The following CDH18 variants were observed in gnomAD, a reference collection of about 807,000 sequenced individuals.
CDH18 encodes cadherin-18.
CDH18 carries 31 observed loss-of-function variants against 67.9 expected under a neutral mutation model. The observed-to-expected ratio is 0.46, with a 90% CI of 0.34 to 0.62. CDH18 has a LOEUF of 0.62. Among genes scored for constraint, CDH18 ranks in the 20% least tolerant of loss-of-function variants. The pLI is 0.01. For synonymous variants in CDH18, 362 were observed against 347.2 expected (o/e 1.04, Z -0.48); for missense variants, 890 against 975.5 (o/e 0.91, Z 1.17).
intron 2 of CDH18, among the ~76,000 whole-genome samples, chr5:20,148,212 C>G (rs1194110839): frequency 6.6e-6 from 1 of 151,902 alleles, no homozygotes; most frequent in Non-Finnish European, 1.5e-5. Flanking sequence ...CTGCCTCAGC[C>G]TCCCGAGTAG....
Position 19,571,720 on chromosome 5 carries a change from T to C in CDH18, c.1112A>G (p.Lys371Arg). The change falls in exon 8 of 13, where the codon AAG becomes AGG. Residue 371 changes from lysine (K) to arginine (R), a missense_variant. Lys to Arg is a conservative substitution (Grantham distance 26). Coordinates refer to ENST00000382275, the MANE Select transcript of CDH18 (RefSeq NM_004934.5). Reference protein sequence around the residue: ...LGPFKDATMLKIIVGDVDEPP... With the variant: ...LGPFKDATMLRIIVGDVDEPP... ...TTCATCTACATCCCCAACAATGATC[T>C]TCAGCATAGTAGCATCTTTAAAAGG... The C allele has an allele frequency of 1.2e-6, 2 of 1,613,986 alleles. No individual in the cohort carries two copies. Among genetic ancestry groups the C allele is most frequent in the Non-Finnish European group, 1.7e-6 (2 of 1,179,930 alleles).
chr5:20,213,504 C>T (rs1299245300), intron 2 of CDH18, among the ~76,000 whole-genome samples: 1 of 152,074 alleles, frequency 6.6e-6, no homozygotes, highest in Non-Finnish European at 1.5e-5. Flanking sequence ...GTGAATCCAT[C>T]TGGTTCTGGG....
At chr5:19,529,489 A>C (rs2126967071) in intron 9 of CDH18, among the ~76,000 whole-genome samples, 1 of 152,202 alleles carries the variant, frequency 6.6e-6, no homozygotes, top group African/African-American at 2.4e-5. Context: ...AGTAAATAGT[A>C]AAAGAAATAA....
intron 1 of CDH18, among the ~76,000 whole-genome samples, chr5:20,397,553 A>G (rs774561246): frequency 6.6e-6 from 1 of 152,192 alleles, no homozygotes; most frequent in Non-Finnish European, 1.5e-5. Context: ...GAGAGTTTAA[A>G]TGAAGCAACT....
At chr5:19,884,776 A>C (rs1019464382) in intron 2 of CDH18, among the ~76,000 whole-genome samples, 40 of 152,124 alleles carry the variant, frequency 2.6e-4, no homozygotes, top group African/African-American at 8.4e-4. Flanking sequence ...TTATTTCTAG[A>C]AGCTTAAGTA....
chr5:20,433,257 A>ATGTGTG (rs552698994), intron 1 of CDH18, among the ~76,000 whole-genome samples: 1 of 150,834 alleles, frequency 6.6e-6, no homozygotes, highest in Admixed American at 6.7e-5. Flanking sequence ...CACATAATAT[A>ATGTGTG]TGTGTGTGTG....
intron 2 of CDH18, among the ~76,000 whole-genome samples, chr5:19,881,217 T>A (rs1412138013): frequency 6.6e-6 from 1 of 152,186 alleles, no homozygotes; most frequent in African/African-American, 2.4e-5. Context: ...GTCCTTTCAA[T>A]GCCTTGTTTT....
At chr5:20,343,255 G>T (rs1287840747) in intron 1 of CDH18, among the ~76,000 whole-genome samples, 1 of 152,158 alleles carries the variant, frequency 6.6e-6, no homozygotes, top group African/African-American at 2.4e-5. Context: ...GTTCCTAGAA[G>T]TAAAACTGAT....
chr5:20,014,767 G>T (rs922940921), intron 2 of CDH18, among the ~76,000 whole-genome samples: 1 of 152,110 alleles, frequency 6.6e-6, no homozygotes, highest in Non-Finnish European at 1.5e-5. Flanking sequence ...GCGCCATTCA[G>T]AAACAGCTCC....
chr5:19,559,933 A>T (rs1057119075), intron 8 of CDH18, among the ~76,000 whole-genome samples: 19 of 151,684 alleles, frequency 1.3e-4, no homozygotes, highest in Non-Finnish European at 2.4e-4. Context: ...AACAAAAAAA[A>T]AACTCAGGAA....
chr5:19,722,860 G>T (rs528824039), intron 4 of CDH18, among the ~76,000 whole-genome samples: 1 of 152,166 alleles, frequency 6.6e-6, no homozygotes, highest in South Asian at 2.1e-4. Context: ...GAATATGGAA[G>T]CACTGACAAT....
At chr5:19,943,085 T>C (rs1398739954) in intron 2 of CDH18, among the ~76,000 whole-genome samples, 1 of 152,110 alleles carries the variant, frequency 6.6e-6, no homozygotes, top group African/African-American at 2.4e-5. Flanking sequence ...GTGATCATAA[T>C]ATAATAATTC....
chr5:19,741,263 A>ACG (rs1769143459), intron 4 of CDH18, among the ~76,000 whole-genome samples: 1 of 124,632 alleles, frequency 8.0e-6, no homozygotes. Flanking sequence ...ATATGTATAC[A>ACG]TATATACATA....
At chr5:19,665,933 T>A (rs1232462729) in intron 5 of CDH18, among the ~76,000 whole-genome samples, 1 of 152,076 alleles carries the variant, frequency 6.6e-6, no homozygotes, top group East Asian at 1.9e-4. Flanking sequence ...TTTTTCATTG[T>A]ATTGCTATGC....
chr5:19,474,923 A>G (rs539354712), intron 12 of CDH18, among the ~76,000 whole-genome samples: 10 of 152,194 alleles, frequency 6.6e-5, no homozygotes, highest in Admixed American at 3.3e-4. Context: ...CTGTTACTAA[A>G]TAGAAATAGT....
intron 2 of CDH18, among the ~76,000 whole-genome samples, chr5:20,178,509 A>T (rs1229595145): frequency 4.0e-5 from 6 of 151,424 alleles, no homozygotes; most frequent in Non-Finnish European, 8.8e-5. Flanking sequence ...TAAGAAAAAA[A>T]AAAACATGAA....
At chr5:20,425,452 AC>A (rs1409526767) in intron 1 of CDH18, among the ~76,000 whole-genome samples, 1 of 151,116 alleles carries the variant, frequency 6.6e-6, no homozygotes, top group Non-Finnish European at 1.5e-5. Flanking sequence ...AATGTATACT[AC>A]AGGTGTTAAC....
chr5:20,521,983 C>G (rs2457041), intron 1 of CDH18, among the ~76,000 whole-genome samples: 60,538 of 151,962 alleles, frequency 0.4, 13,491 homozygotes, highest in East Asian at 0.56. Context: ...AATATGTAAT[C>G]GTGTTGTGAG....
chr5:20,265,581 A>C (rs2126646184), intron 1 of CDH18, among the ~76,000 whole-genome samples: 1 of 152,230 alleles, frequency 6.6e-6, no homozygotes, highest in East Asian at 1.9e-4. Flanking sequence ...AGGAGTATCA[A>C]AATAAAAAAA....
Sources: allele counts gnomAD v4.1 joint callset (sites outside exome capture counted in the v4.1 genomes callset), GRCh38; gene constraint gnomAD v4.1.1; transcripts MANE v1.5; gene names NCBI Gene and HGNC (gene_info 2026-07-23, HGNC 2026-07-21).